The following ANKRD30BL variants were observed in gnomAD, a reference collection of about 807,000 sequenced individuals.
ANKRD30BL encodes putative ankyrin repeat domain-containing protein 30B-like.
Under a neutral mutation model 18.4 loss-of-function variants are expected in ANKRD30BL, and 20 were observed. That is an observed-to-expected ratio of 1.09 (90% CI 0.77 to 1.58). ANKRD30BL has a LOEUF of 1.58. Ranked by LOEUF, ANKRD30BL falls within the 40% of genes most tolerant of loss-of-function variation. ANKRD30BL has a pLI of 0.00. For synonymous variants in ANKRD30BL, 72 were observed against 100.9 expected (o/e 0.71, Z 1.72); for missense variants, 224 against 268.6 (o/e 0.83, Z 1.16).
At chr2:132,214,522 G>C (rs1462426053) in intron 1 of ANKRD30BL, among the ~76,000 whole-genome samples, 1 of 151,872 alleles carries the variant, frequency 6.6e-6, no homozygotes, top group Non-Finnish European at 1.5e-5. Context: ...AAAGACAGAA[G>C]CATTCTGTCA....
intron 1 of ANKRD30BL, among the ~76,000 whole-genome samples, chr2:132,256,516 G>A (rs1680843902): frequency 6.6e-6 from 1 of 152,254 alleles, no homozygotes; most frequent in African/African-American, 2.4e-5. Flanking sequence ...GCGAAGGAGA[G>A]GCGGACCGCG....
chr2:132,203,086 TC>T (rs1679140467), intron 1 of ANKRD30BL, among the ~76,000 whole-genome samples: 1 of 152,300 alleles, frequency 6.6e-6, no homozygotes, highest in Non-Finnish European at 1.5e-5. Flanking sequence ...CGTTCTATTT[TC>T]GGTCAACCAC....
rs538425375 is a variant in ANKRD30BL, at chr2:132,225,182, G to A, written n.441+32347C>T. Reference sequence around the variant, plus strand: ...TAATCACTAGACAGAAGCTTTCTCCGAAACTTCTTTGTTCTGTGTGCATTC... The same window carrying A: ...TAATCACTAGACAGAAGCTTTCTCCAAAACTTCTTTGTTCTGTGTGCATTC... On this transcript the variant is annotated intron_variant and non_coding_transcript_variant, in intron 1 of 4. Transcript: ENST00000470729. Among the ~76,000 whole-genome samples, 153 of 152,138 alleles carry A rather than the reference G, an allele frequency of 1.0e-3. 1 individual carries two copies. The highest frequency in any genetic ancestry group is 3.3e-3 in the African/African-American group (135 of 41,510).
At chr2:132,252,315 C>T (rs953658883) in intron 1 of ANKRD30BL, among the ~76,000 whole-genome samples, 4 of 152,192 alleles carry the variant, frequency 2.6e-5, no homozygotes, top group Admixed American at 6.5e-5. Flanking sequence ...GGGACGGGTC[C>T]GAGGATGCAG....
intron 1 of ANKRD30BL, among the ~76,000 whole-genome samples, chr2:132,175,199 T>TTG (rs1688341430): frequency 6.6e-6 from 1 of 150,936 alleles, no homozygotes; most frequent in African/African-American, 2.4e-5. Context: ...CCTCAGTTTT[T>TTG]ATTATTATTT....
At chr2:132,246,642 A>AT (rs1437913056) in intron 1 of ANKRD30BL, among the ~76,000 whole-genome samples, 1 of 152,018 alleles carries the variant, frequency 6.6e-6, no homozygotes, top group Non-Finnish European at 1.5e-5. Context: ...ATATCTTCAC[A>AT]TAAAAACTAG....
At chr2:132,233,648 T>C (rs1306085806) in intron 1 of ANKRD30BL, among the ~76,000 whole-genome samples, 2 of 151,312 alleles carry the variant, frequency 1.3e-5, no homozygotes, top group East Asian at 1.9e-4. Context: ...ATCCTAAATC[T>C]ATATGCACCC....
intron 1 of ANKRD30BL, among the ~76,000 whole-genome samples, chr2:132,199,818 G>C (rs1247242098): frequency 6.6e-6 from 1 of 152,012 alleles, no homozygotes; most frequent in Non-Finnish European, 1.5e-5. Context: ...TTGAGATTTT[G>C]AGCCTTTAAA....
intron 1 of ANKRD30BL, among the ~76,000 whole-genome samples, chr2:132,239,080 A>T (rs1203619862): frequency 6.6e-6 from 1 of 152,134 alleles, no homozygotes; most frequent in Non-Finnish European, 1.5e-5. Flanking sequence ...TAGTATCTGG[A>T]AGTGGACATT....
At chr2:132,257,634 G>C (rs1680901037) in exon 1 of ANKRD30BL, 1 of 172,338 alleles carries the variant, frequency 5.8e-6, no homozygotes, top group South Asian at 1.3e-4. Context: ...GTACCCCAAA[G>C]GCACACCTCT....
chr2:132,201,367 A>C lies in ANKRD30BL; in HGVS notation n.442-44221T>G, dbSNP rs537304630. Among the ~76,000 whole-genome samples the C allele has an allele frequency of 1.8e-3, 268 of 152,162 alleles. 1 individual carries two copies. The highest frequency in any genetic ancestry group is 6.1e-3 in the African/African-American group (253 of 41,464). On this transcript the variant is annotated intron_variant and non_coding_transcript_variant, in intron 1 of 4. Coordinates refer to the ANKRD30BL transcript ENST00000470729. ...ATCAGAGTGAACAGGCAACCTACAA[A>C]ATGGGAGAAAATTTTCGCAACCTAC...
At chr2:132,247,443 C>G (rs1680534591) in intron 1 of ANKRD30BL, among the ~76,000 whole-genome samples, 1 of 151,374 alleles carries the variant, frequency 6.6e-6, no homozygotes, top group Admixed American at 6.6e-5. Context: ...ACAGAGGCAT[C>G]ATTGGGTTCA....
At chr2:132,160,064 T>G (rs1035712892) in intron 1 of ANKRD30BL, among the ~76,000 whole-genome samples, 3 of 152,180 alleles carry the variant, frequency 2.0e-5, no homozygotes, top group African/African-American at 7.2e-5. Context: ...TCTGTTGTAT[T>G]CATTTACCTG....
chr2:132,239,702 C>T (rs75862281), intron 1 of ANKRD30BL, among the ~76,000 whole-genome samples: 1 of 152,020 alleles, frequency 6.6e-6, no homozygotes, highest in Non-Finnish European at 1.5e-5. Context: ...ATTCTTCTCA[C>T]AGAGTTGAAC....
At chr2:132,202,522 C>A (rs1679128505) in intron 1 of ANKRD30BL, among the ~76,000 whole-genome samples, 1 of 150,582 alleles carries the variant, frequency 6.6e-6, no homozygotes. Context: ...AAAAATAAAA[C>A]CCTGAATCCA....
chr2:132,200,958 T>C (rs533384895), intron 1 of ANKRD30BL, among the ~76,000 whole-genome samples: 1 of 152,090 alleles, frequency 6.6e-6, no homozygotes, highest in Non-Finnish European at 1.5e-5. Context: ...TATAGATCAA[T>C]GGAACAGAAC....
At chr2:132,178,081 G>A (rs1688395943) in intron 1 of ANKRD30BL, among the ~76,000 whole-genome samples, 1 of 152,098 alleles carries the variant, frequency 6.6e-6, no homozygotes, top group Non-Finnish European at 1.5e-5. Flanking sequence ...AGTAATACTG[G>A]AAAAGAACAG....
upstream of ANKRD30BL, among the ~76,000 whole-genome samples, chr2:132,165,958 T>C (rs1398603549): frequency 6.6e-6 from 1 of 152,158 alleles, no homozygotes; most frequent in Non-Finnish European, 1.5e-5. Context: ...AGGGGTTTTG[T>C]AGATGTTCTT....
At chr2:132,207,983 A>T (rs1306024070) in intron 1 of ANKRD30BL, among the ~76,000 whole-genome samples, 1 of 152,170 alleles carries the variant, frequency 6.6e-6, no homozygotes, top group Non-Finnish European at 1.5e-5. Context: ...TTGTTTCTCA[A>T]AAAAGGAGGG....
Sources: gnomAD v4.1 joint callset for allele counts (sites outside exome capture counted in the v4.1 genomes callset) on GRCh38, gnomAD v4.1.1 for gene constraint, MANE v1.5 for transcripts, NCBI Gene and HGNC (gene_info 2026-07-23, HGNC 2026-07-21) for gene names.